MICOS10: variants seen among roughly 807,000 people sequenced by gnomAD.
MICOS10 encodes the protein MICOS complex subunit MIC10.
Under a neutral mutation model 13.4 loss-of-function variants are expected in MICOS10, and 5 were observed. That is an observed-to-expected ratio of 0.37 (90% confidence interval 0.20 to 0.78). MICOS10 has a LOEUF of 0.78. Ranked by LOEUF, MICOS10 falls within the 30% of genes least tolerant of loss-of-function variation. MICOS10 has a pLI of 0.47. For synonymous variants in MICOS10, 35 were observed against 33.6 expected (o/e 1.04, Z -0.15); for missense variants, 101 against 94.6 (o/e 1.07, Z -0.28).
chr1:19,623,075 C>T (rs2094909914), intron 2 of MICOS10, among the ~76,000 whole-genome samples: 1 of 152,052 alleles, frequency 6.6e-6, no homozygotes, highest in African/African-American at 2.4e-5. Context: ...GCACACGCCA[C>T]CATGCCTGGC....
In MICOS10 at chr1:19,627,961, A is replaced by T. The variant is rs891550807; in HGVS notation, c.*1560A>T. On this transcript the variant is annotated 3_prime_UTR_variant, in exon 4 of 4. Coordinates refer to ENST00000322753, the MANE Select transcript of MICOS10 (RefSeq NM_001032363.4). Reference sequence around the variant, plus strand: ...GCCCTCTGGGCTTGTTTTCCTCTTTATTGCTACTTGGCTGTTTTTCACTTG... The same window carrying T: ...GCCCTCTGGGCTTGTTTTCCTCTTTTTTGCTACTTGGCTGTTTTTCACTTG... 2.6e-5 allele frequency: 4 copies of T among 152,222 alleles called. No individual in the cohort carries two copies. The highest frequency in any genetic ancestry group is 6.5e-5 in the Admixed American group (1 of 15,292). The allele number at this position is 152,222 out of a possible 1,614,324, so 9.4% of individuals were successfully genotyped here.
chr1:19,625,693 G>A lies in MICOS10; in HGVS notation c.223-694G>A, dbSNP rs1216931540. 3 of 1,231,680 alleles carry A rather than the reference G, an allele frequency of 2.4e-6. No individual in the cohort carries two copies. In the African/African-American group the frequency reaches 4.7e-5, roughly 19 times the overall value. The allele number at this position is 1,231,680 out of a possible 1,614,324, so 76.3% of individuals were successfully genotyped here. A position where few individuals can be genotyped will look rare whatever the true frequency, so the allele number is the denominator to read the frequency against. ...GAGTTGTCAGGGATAATGGCTCAGG[G>A]GTGATTATATGCATATTATGTATTT... is the stretch of plus-strand genomic sequence containing the variant. On this transcript the variant is annotated intron_variant, in intron 3 of 3. Coordinates refer to ENST00000322753, the MANE Select transcript of MICOS10 (RefSeq NM_001032363.4).
At chr1:19,608,290 G>A (rs749166832) in intron 1 of MICOS10, 1 of 1,343,334 alleles carries the variant, frequency 7.4e-7, no homozygotes, top group Admixed American at 1.7e-5. Context: ...TGACTGGTGG[G>A]ATGAAGGTGA....
At chr1:19,611,529 C>T (rs939755730) in intron 1 of MICOS10, among the ~76,000 whole-genome samples, 9 of 138,128 alleles carry the variant, frequency 6.5e-5, no homozygotes, top group African/African-American at 8.8e-5. Flanking sequence ...GCTGGGGTAC[C>T]GTGGCACAAT....
chr1:19,621,501 G>A (rs1570505560), intron 1 of MICOS10, among the ~76,000 whole-genome samples: 1 of 152,244 alleles, frequency 6.6e-6, no homozygotes, highest in East Asian at 1.9e-4. Flanking sequence ...ATTGGAGTCT[G>A]GCAGACTTGA....
In MICOS10 at chr1:19,626,423, C is replaced by T. The variant is rs375402114; in HGVS notation, c.*22C>T. The T allele has an allele frequency of 2.9e-5, 47 of 1,613,528 alleles. No individual in the cohort carries two copies. Among genetic ancestry groups the T allele is most frequent in the East Asian group, 2.0e-4 (9 of 44,882 alleles). ...GTGACTTCACCTGAGAACATCCCAG[C>T]GGGAGGACAAGAGAAATCATGTTTA... is the stretch of plus-strand genomic sequence containing the variant. On this transcript the variant is annotated 3_prime_UTR_variant, in exon 4 of 4. Transcript: ENST00000322753.
At chr1:19,600,682 G>T in intron 1 of MICOS10, 1 of 355,386 alleles carries the variant, frequency 2.8e-6, no homozygotes, top group Non-Finnish European at 5.6e-6. Context: ...GCTCACCACA[G>T]CCTTGACCTC....
At chr1:19,622,996 A>G (rs2094909443) in intron 2 of MICOS10, among the ~76,000 whole-genome samples, 2 of 142,150 alleles carry the variant, frequency 1.4e-5, no homozygotes. Flanking sequence ...ATCTCAGCTC[A>G]CTGCAACCTC....
intron 1 of MICOS10, among the ~76,000 whole-genome samples, chr1:19,607,811 G>T (rs1187087666): frequency 6.6e-6 from 1 of 152,242 alleles, no homozygotes; most frequent in African/African-American, 2.4e-5. Flanking sequence ...TGTATTAGCT[G>T]ATTTTAAGGC....
intron 1 of MICOS10, chr1:19,601,144 G>A: frequency 2.0e-6 from 1 of 509,170 alleles, no homozygotes; most frequent in Non-Finnish European, 3.2e-6. Context: ...TTTAGGCAGT[G>A]GTCCTTTAAA....
chr1:19,623,389 C>T (rs1349414486), intron 2 of MICOS10, 85 bp from the exon 3 acceptor site: 2 of 784,430 alleles, frequency 2.5e-6, no homozygotes, highest in Admixed American at 2.1e-5. Flanking sequence ...TTTATTGAAC[C>T]CTAAGTAAAT....
At chr1:19,624,448 C>T (rs986286529) in intron 3 of MICOS10, among the ~76,000 whole-genome samples, 10 of 151,828 alleles carry the variant, frequency 6.6e-5, no homozygotes, top group East Asian at 1.9e-4. Context: ...CACTCACGCC[C>T]GGCTAATTTT....
chr1:19,604,175 T>C (rs775263856), intron 1 of MICOS10, among the ~76,000 whole-genome samples: 9 of 152,202 alleles, frequency 5.9e-5, no homozygotes, highest in Non-Finnish European at 1.5e-5. Context: ...TGAGATAATC[T>C]CTAGAGCAGT....
At chr1:19,606,816 A>C (rs2094836644) in intron 1 of MICOS10, among the ~76,000 whole-genome samples, 1 of 152,238 alleles carries the variant, frequency 6.6e-6, no homozygotes, top group Non-Finnish European at 1.5e-5. Context: ...CTTAGAATTA[A>C]AGTTAACCAG....
rs148073468 is a variant in MICOS10 at position 19,602,175 on chromosome 1, C to T, written c.64+5066C>T. ...GTTGTGTTCACTGTTGATCCCCTAA[C>T]GCCTGGTTTAGAGGAGGCGTACAAT... On this transcript the variant is annotated intron_variant, in intron 1 of 3. Transcript: ENST00000322753. Among the ~76,000 whole-genome samples, 16 of 152,320 alleles carry T rather than the reference C, an allele frequency of 1.1e-4. No homozygotes were observed. The East Asian group carries it at 1.2e-3, about 11-fold the overall frequency.
chr1:19,611,469 A>ATTTTTTTTTTTTTTTTTTTT (rs768118529), intron 1 of MICOS10, among the ~76,000 whole-genome samples: 1 of 90,372 alleles, frequency 1.1e-5, no homozygotes, highest in Non-Finnish European at 2.0e-5. Flanking sequence ...TTGCAACTTG[A>ATTTTTTTTTTTTTTTTTTTT]TTTTTTTTTT....
chr1:19,626,631 T>C lies in MICOS10; in HGVS notation c.*230T>C, dbSNP rs2094922974. The C allele has an allele frequency of 3.8e-6, 2 of 529,846 alleles. No homozygotes were observed. The highest frequency in any genetic ancestry group is 3.8e-5 in the African/African-American group (2 of 52,152). The allele number at this position is 529,846 out of a possible 1,614,324, so 32.8% of individuals were successfully genotyped here. A position where few individuals can be genotyped will look rare whatever the true frequency, so the allele number is the denominator to read the frequency against. On this transcript the variant is annotated 3_prime_UTR_variant, in exon 4 of 4. Coordinates refer to ENST00000322753, the MANE Select transcript of MICOS10 (RefSeq NM_001032363.4). ...AAATAAATTAAACAAAAAGAGGAAGTCCATTGCATGGCCTTTGTTTCTTCA... is the reference window on the plus strand; with the variant it reads ...AAATAAATTAAACAAAAAGAGGAAGCCCATTGCATGGCCTTTGTTTCTTCA...
Position 19,622,034 on chromosome 1 carries a change from A to C in MICOS10, c.65-66A>C. 6 of 1,186,122 alleles carry C rather than the reference A, an allele frequency of 5.1e-6. No homozygotes were observed. The South Asian group carries it at 8.0e-5, about 16-fold the overall frequency. 73.5% of individuals were successfully genotyped at this position (1,186,122 alleles called of 1,614,324 possible). On this transcript the variant is annotated intron_variant, in intron 1 of 3. Coordinates refer to ENST00000322753, the MANE Select transcript of MICOS10 (RefSeq NM_001032363.4). ...GTTTAATGATGTTCACATTTAAGAA[A>C]TGTTAATGTTATCTTTGTGAAGTTA...
At chr1:19,606,484 A>G (rs1270536316) in intron 1 of MICOS10, among the ~76,000 whole-genome samples, 2 of 152,254 alleles carry the variant, frequency 1.3e-5, no homozygotes, top group East Asian at 3.9e-4. Context: ...GGTGGCTCAC[A>G]CCTGTAATCC....
Sources: gnomAD v4.1 joint callset for allele counts (sites outside exome capture counted in the v4.1 genomes callset) on GRCh38, gnomAD v4.1.1 for gene constraint, MANE v1.5 for transcripts, NCBI Gene and HGNC (gene_info 2026-07-23, HGNC 2026-07-21) for gene names.